Variants in RHBDD1 observed in about 807,000 individuals in gnomAD.
The protein encoded by RHBDD1 is rhomboid-related protein 4.
Under a neutral mutation model 36.3 loss-of-function variants are expected in RHBDD1, and 38 were observed. The observed-to-expected ratio is 1.05, with a 90% CI of 0.81 to 1.37. RHBDD1 has a LOEUF of 1.37. Among genes scored for constraint, RHBDD1 ranks in the 40% most tolerant of loss-of-function variants. RHBDD1 has a pLI of 0.00. For synonymous variants in RHBDD1, 151 were observed against 136.5 expected (o/e 1.11, Z -0.74); for missense variants, 393 against 377.6 (o/e 1.04, Z -0.34).
At chr2:226,992,276 G>A (rs1401984856) in intron 8 of RHBDD1, among the ~76,000 whole-genome samples, 1 of 152,162 alleles carries the variant, frequency 6.6e-6, no homozygotes, top group Non-Finnish European at 1.5e-5. Flanking sequence ...GTCGGTGTAG[G>A]TTAGGGGCTG....
chr2:226,862,167 ATAAG>A (rs1943912885), intron 3 of RHBDD1, among the ~76,000 whole-genome samples: 1 of 152,200 alleles, frequency 6.6e-6, no homozygotes, highest in Non-Finnish European at 1.5e-5. Flanking sequence ...TAATTCTCAC[ATAAG>A]TAAGTTTACT....
chr2:226,873,942 A>G (rs542772172), intron 5 of RHBDD1, among the ~76,000 whole-genome samples: 1 of 152,316 alleles, frequency 6.6e-6, no homozygotes, highest in South Asian at 2.1e-4. Context: ...ACAGTTCCCC[A>G]TGGCTGAGGA....
intron 3 of RHBDD1, among the ~76,000 whole-genome samples, chr2:226,854,319 G>A (rs189065146): frequency 8.5e-5 from 13 of 152,072 alleles, no homozygotes; most frequent in Admixed American, 3.3e-4. Flanking sequence ...AGGGCCGGGC[G>A]TGGTGGCTCA....
chr2:226,840,228 A>G (rs900370268), intron 3 of RHBDD1, among the ~76,000 whole-genome samples: 1 of 152,222 alleles, frequency 6.6e-6, no homozygotes, highest in Non-Finnish European at 1.5e-5. Flanking sequence ...TTCAAAGCCC[A>G]TAGATAACTT....
At chr2:226,849,087 A>G (rs926540482) in intron 3 of RHBDD1, among the ~76,000 whole-genome samples, 22 of 152,180 alleles carry the variant, frequency 1.4e-4, no homozygotes, top group African/African-American at 4.6e-4. Flanking sequence ...AAGAATCTCA[A>G]TGTTTTAGAT....
At chr2:226,913,252 T>C (rs58579962) in intron 7 of RHBDD1, among the ~76,000 whole-genome samples, 3,161 of 152,178 alleles carry the variant, frequency 0.021, 117 homozygotes, top group African/African-American at 0.072. Flanking sequence ...ATAGCAAAGG[T>C]TAGGAATCTT....
At chr2:226,944,480 C>T (rs886587591) in intron 8 of RHBDD1, among the ~76,000 whole-genome samples, 2 of 151,956 alleles carry the variant, frequency 1.3e-5, no homozygotes, top group Admixed American at 6.6e-5. Flanking sequence ...ATAATGAGAC[C>T]GCAGGAGCAC....
rs1239620368 is a variant in RHBDD1 at position 226,998,510 on chromosome 2, C to CA, written c.*2994dup. On this transcript the variant is annotated 3_prime_UTR_variant, in exon 9 of 9. Transcript: ENST00000392062. ...CAGTAAAGAATAGCATTCAATTAGT[C>CA]AAAAAATATATATATAACTTCTTCC... 2 of 152,046 alleles carry CA rather than the reference C, an allele frequency of 1.3e-5. No individual in the cohort carries two copies. The highest frequency in any genetic ancestry group is 3.8e-4 in the East Asian group (2 of 5,198). 9.4% of individuals were successfully genotyped at this position (152,046 alleles called of 1,614,324 possible).
chr2:226,884,786 T>C (rs1946076542), intron 5 of RHBDD1, among the ~76,000 whole-genome samples: 1 of 152,192 alleles, frequency 6.6e-6, no homozygotes, highest in Non-Finnish European at 1.5e-5. Context: ...TAAAACAAAT[T>C]GCTGATGTTT....
At chr2:226,846,572 T>C (rs1942243413) in intron 3 of RHBDD1, among the ~76,000 whole-genome samples, 1 of 151,806 alleles carries the variant, frequency 6.6e-6, no homozygotes, top group Non-Finnish European at 1.5e-5. Context: ...GGTGAAACCT[T>C]GTCTCTACTA....
chr2:226,977,704 C>G (rs1954852587), intron 8 of RHBDD1, among the ~76,000 whole-genome samples: 1 of 152,176 alleles, frequency 6.6e-6, no homozygotes, highest in Admixed American at 6.5e-5. Flanking sequence ...AGAGCAGCCC[C>G]TATATCAGGC....
At chr2:226,989,070 TCTC>T (rs1427066848) in intron 8 of RHBDD1, among the ~76,000 whole-genome samples, 4 of 152,350 alleles carry the variant, frequency 2.6e-5, no homozygotes, top group African/African-American at 9.6e-5. Flanking sequence ...AACTGGAACA[TCTC>T]ATGTCTGAAG....
upstream of RHBDD1, among the ~76,000 whole-genome samples, chr2:226,835,380 G>T (rs1940865141): frequency 6.6e-6 from 1 of 152,188 alleles, no homozygotes; most frequent in Non-Finnish European, 1.5e-5. Flanking sequence ...AACACCTAAA[G>T]CCCTCAAAAT....
chr2:226,997,277 A>G lies in RHBDD1; in HGVS notation c.*1755A>G, dbSNP rs902673925. ...GTTTAAATTAAAATATTCAAGCTAAATGTTACTGCTCTCTCCCAAATTCTG... is the reference window on the plus strand; with the variant it reads ...GTTTAAATTAAAATATTCAAGCTAAGTGTTACTGCTCTCTCCCAAATTCTG... On this transcript the variant is annotated 3_prime_UTR_variant, in exon 9 of 9. Transcript: ENST00000392062. 6.6e-6 allele frequency: 1 copy of G among 152,194 alleles called. No individual in the cohort carries two copies. The highest frequency in any genetic ancestry group is 2.4e-5 in the African/African-American group (1 of 41,438). The allele number at this position is 152,194 out of a possible 1,614,324, so 9.4% of individuals were successfully genotyped here.
At chr2:226,809,678 A>G in the RHBDD1 span, among the ~76,000 whole-genome samples, 12 of 152,232 alleles carry the variant, frequency 7.9e-5, no homozygotes, top group Non-Finnish European at 1.5e-4. Flanking sequence ...TTGCCAAGAT[A>G]TGTCCTAATT....
the RHBDD1 span, among the ~76,000 whole-genome samples, chr2:226,815,767 A>G: frequency 6.6e-6 from 1 of 152,220 alleles, no homozygotes; most frequent in Non-Finnish European, 1.5e-5. Flanking sequence ...TGGCAAAACT[A>G]AAGTTTTAAA....
At chr2:226,851,028 G>A (rs1204672291) in intron 3 of RHBDD1, among the ~76,000 whole-genome samples, 1 of 152,080 alleles carries the variant, frequency 6.6e-6, no homozygotes, top group Non-Finnish European at 1.5e-5. Flanking sequence ...TTGAAACAAG[G>A]AACAAGAAGT....
chr2:226,989,333 G>C (rs1214043814), intron 8 of RHBDD1, among the ~76,000 whole-genome samples: 1 of 152,148 alleles, frequency 6.6e-6, no homozygotes, highest in East Asian at 1.9e-4. Flanking sequence ...ACAAAAATAG[G>C]GGAAAAATCT....
At chr2:226,970,921 A>G (rs1282951958) in intron 8 of RHBDD1, among the ~76,000 whole-genome samples, 1 of 152,204 alleles carries the variant, frequency 6.6e-6, no homozygotes, top group African/African-American at 2.4e-5. Flanking sequence ...CCTGCCCCAC[A>G]TCATTTCAAG....
Sources: allele counts gnomAD v4.1 joint callset (sites outside exome capture counted in the v4.1 genomes callset), GRCh38; gene constraint gnomAD v4.1.1; transcripts MANE v1.5; gene names NCBI Gene and HGNC (gene_info 2026-07-23, HGNC 2026-07-21).